The following NAV2 variants were observed in gnomAD, a reference collection of about 807,000 sequenced individuals.
The protein encoded by NAV2 is helicase, APC down-regulated 1.
Under a neutral mutation model 223.2 loss-of-function variants are expected in NAV2, and 54 were observed. The ratio of observed to expected loss-of-function variants is 0.24; its 90% CI spans 0.19 to 0.30. The LOEUF (loss-of-function observed/expected upper bound fraction) is 0.30, where lower values mean the gene tolerates loss of function less well. NAV2 is among the 10% of genes least tolerant of loss of function. The pLI is 1.00. For missense variants in NAV2, 2,806 were observed against 3,147.5 expected, an observed-to-expected ratio of 0.89 and a Z score of 2.60; for synonymous variants, 1,279 against 1,239.3, an observed-to-expected ratio of 1.03 and a Z score of -0.67.
chr11:19,473,806 C>T (rs2042035639), intron 1 of NAV2, among the ~76,000 whole-genome samples: 1 of 152,222 alleles, frequency 6.6e-6, no homozygotes, highest in South Asian at 2.1e-4. Context: ...GATTATTCCT[C>T]AGAGCCACAA....
intron 1 of NAV2, chr11:19,777,894 C>G: frequency 2.2e-6 from 1 of 455,954 alleles, no homozygotes; most frequent in South Asian, 1.5e-5. Context: ...GTCCCCCGAG[C>G]CCCCATTGTG....
chr11:19,701,977 C>A (rs2049522657), intron 1 of NAV2, among the ~76,000 whole-genome samples: 1 of 152,192 alleles, frequency 6.6e-6, no homozygotes, highest in South Asian at 2.1e-4. Context: ...CAAGGGGTAG[C>A]ATTAACTAGA....
intron 3 of NAV2, among the ~76,000 whole-genome samples, chr11:19,866,587 A>T (rs1283930145): frequency 1.3e-5 from 2 of 152,216 alleles, no homozygotes; most frequent in African/African-American, 4.8e-5. Context: ...TGTACTTTAA[A>T]TGATGCTGTA....
chr11:19,963,094 C>T (rs2048469024), intron 10 of NAV2, among the ~76,000 whole-genome samples: 1 of 152,204 alleles, frequency 6.6e-6, no homozygotes, highest in African/African-American at 2.4e-5. Context: ...CTCAACAGCG[C>T]CTGCTAACCC....
intron 11 of NAV2, among the ~76,000 whole-genome samples, chr11:19,993,402 A>T (rs940271138): frequency 1.3e-5 from 2 of 152,188 alleles, no homozygotes; most frequent in African/African-American, 4.8e-5. Flanking sequence ...GACCCACGTA[A>T]CTTTTCCTCA....
In NAV2 at chr11:19,587,041, C is replaced by T. The variant is rs1033999169; in HGVS notation, c.75+236014C>T. On this transcript the variant is annotated intron_variant, in intron 1 of 37. Transcript: ENST00000360655. The stretch of plus-strand genomic sequence containing the variant: ...TGGGCTCCACCCAGTTCGAGCTTCA[C>T]GGCCGCTTTGTTTACCTACTCAAGC... Among the ~76,000 whole-genome samples, 56 of 152,330 alleles carry T rather than the reference C, an allele frequency of 3.7e-4. 1 individual carries two copies. The highest frequency in any genetic ancestry group is 8.3e-4 in the South Asian group (4 of 4,828).
chr11:19,546,156 C>T (rs1014175493), intron 1 of NAV2, among the ~76,000 whole-genome samples: 1 of 152,126 alleles, frequency 6.6e-6, no homozygotes, highest in African/African-American at 2.4e-5. Flanking sequence ...GCATAGGAGA[C>T]AAGTATGTAG....
chr11:19,450,894 G>A (rs1487451619), intron 1 of NAV2, among the ~76,000 whole-genome samples: 1 of 152,150 alleles, frequency 6.6e-6, no homozygotes, highest in Admixed American at 6.5e-5. Context: ...GTGCATTATG[G>A]TGCCAACTGG....
intron 1 of NAV2, among the ~76,000 whole-genome samples, chr11:19,612,425 A>G (rs565230739): frequency 2.6e-5 from 4 of 152,226 alleles, no homozygotes; most frequent in South Asian, 2.1e-4. Flanking sequence ...CAGGCTGCAA[A>G]TTTTCCAAAC....
At chr11:19,849,255 G>A (rs746699798) in intron 3 of NAV2, among the ~76,000 whole-genome samples, 1 of 152,196 alleles carries the variant, frequency 6.6e-6, no homozygotes, top group Non-Finnish European at 1.5e-5. Flanking sequence ...GTTTACCTCT[G>A]TGACAGAGAA....
chr11:19,397,396 A>AGTGTGTGTGT (rs1554919830), intron 1 of NAV2, among the ~76,000 whole-genome samples: 2,406 of 143,902 alleles, frequency 0.017, 27 homozygotes, highest in South Asian at 0.038. Context: ...TTCTCTGGGG[A>AGTGTGTGTGT]GTGTGTGTGT....
At chr11:19,564,701 G>C (rs1050626288) in intron 1 of NAV2, among the ~76,000 whole-genome samples, 1 of 152,228 alleles carries the variant, frequency 6.6e-6, no homozygotes. Context: ...CGGGAGGTCC[G>C]CCGCCGCTTG....
At chr11:19,378,104 C>T (rs1038870636) in intron 1 of NAV2, among the ~76,000 whole-genome samples, 2 of 152,128 alleles carry the variant, frequency 1.3e-5, no homozygotes, top group African/African-American at 2.4e-5. Flanking sequence ...CTTCTCAGAG[C>T]GTATGTATGA....
intron 1 of NAV2, among the ~76,000 whole-genome samples, chr11:19,724,364 T>C (rs528400767): frequency 7.2e-5 from 11 of 152,324 alleles, no homozygotes; most frequent in Non-Finnish European, 1.6e-4. Context: ...TGAGTATCTT[T>C]TTTTAAGAGA....
At chr11:19,550,622 T>A (rs569286146) in intron 1 of NAV2, among the ~76,000 whole-genome samples, 1 of 152,308 alleles carries the variant, frequency 6.6e-6, no homozygotes, top group East Asian at 1.9e-4. Context: ...CTGCCACCTC[T>A]TCAGATGCTC....
chr11:19,447,361 C>T (rs1433173455), intron 1 of NAV2, among the ~76,000 whole-genome samples: 1 of 152,180 alleles, frequency 6.6e-6, no homozygotes, highest in Non-Finnish European at 1.5e-5. Context: ...CACTCACCCT[C>T]ATCTGAACCG....
At chr11:19,566,219 C>T (rs1484925527) in intron 1 of NAV2, among the ~76,000 whole-genome samples, 9 of 151,910 alleles carry the variant, frequency 5.9e-5, no homozygotes, top group East Asian at 5.8e-4. Flanking sequence ...TACAGGTGCA[C>T]GCCAACACAC....
intron 1 of NAV2, among the ~76,000 whole-genome samples, chr11:19,621,838 T>C (rs2047007834): frequency 6.6e-6 from 1 of 152,214 alleles, no homozygotes; most frequent in African/African-American, 2.4e-5. Context: ...GTTCTTTTCA[T>C]TGTGATGGTA....
chr11:19,571,812 T>A (rs1398184730), intron 1 of NAV2, among the ~76,000 whole-genome samples: 5 of 152,250 alleles, frequency 3.3e-5, no homozygotes, highest in African/African-American at 1.2e-4. Context: ...ATGGTGCCTT[T>A]ACTATTACTT....
Sources: allele counts gnomAD v4.1 joint callset (sites outside exome capture counted in the v4.1 genomes callset), GRCh38; gene constraint gnomAD v4.1.1; transcripts MANE v1.5; gene names NCBI Gene and HGNC (gene_info 2026-07-23, HGNC 2026-07-21).